Variants in RETREG1 observed in about 807,000 individuals in gnomAD.
RETREG1 encodes family with sequence similarity 134 member B.
In RETREG1, 44 loss-of-function variants were observed where a neutral mutation model predicts 54.8. That is an observed-to-expected ratio of 0.80 (90% confidence interval 0.63 to 1.03). RETREG1 has a LOEUF of 1.03. Among genes scored for constraint, RETREG1 ranks in the 50% least tolerant of loss-of-function variants. RETREG1 has a pLI of 0.00. For missense variants in RETREG1, 554 were observed against 605.1 expected (o/e 0.92, Z 0.89); for synonymous variants, 217 against 238.5 (o/e 0.91, Z 0.83).
intron 2 of RETREG1, among the ~76,000 whole-genome samples, chr5:16,567,671 T>TG (rs1437476867): frequency 6.6e-6 from 1 of 152,002 alleles, no homozygotes. Flanking sequence ...TCAAGAGAGC[T>TG]GGGGGGCAGG....
At chr5:16,567,596 G>A (rs997577502) in intron 2 of RETREG1, among the ~76,000 whole-genome samples, 14 of 152,162 alleles carry the variant, frequency 9.2e-5, no homozygotes, top group Admixed American at 6.5e-5. Context: ...AGGTGGCTGG[G>A]GGAGCCTCAG....
rs1738382377 is a variant in RETREG1, at chr5:16,473,361, A to G, written c.*1380T>C. 6.6e-6 allele frequency: 1 copy of G among 152,072 alleles called. No homozygotes were observed. Among genetic ancestry groups the G allele is most frequent in the Non-Finnish European group, 1.5e-5 (1 of 68,016 alleles). The allele number at this position is 152,072 out of a possible 1,614,324, so 9.4% of individuals were successfully genotyped here. A position where few individuals can be genotyped will look rare whatever the true frequency, so the allele number is the denominator to read the frequency against. On this transcript the variant is annotated 3_prime_UTR_variant, in exon 9 of 9. Transcript: ENST00000306320. ...TATTTTAATACCTCAGAAAGAAAAAATAAATAAGAGTAGCTACATTAAAAT... is the reference window on the plus strand; with the variant it reads ...TATTTTAATACCTCAGAAAGAAAAAGTAAATAAGAGTAGCTACATTAAAAT...
At chr5:16,508,700 C>T (rs1412647308) in intron 3 of RETREG1, 2 of 1,599,892 alleles carry the variant, frequency 1.3e-6, no homozygotes, top group Non-Finnish European at 1.7e-6. Flanking sequence ...TTCTTTTCTA[C>T]TCTAATGCTG....
In RETREG1 at chr5:16,536,255, C is replaced by T. The variant is rs530188985; in HGVS notation, c.458+29508G>A. On this transcript the variant is annotated intron_variant, in intron 3 of 8. Coordinates refer to ENST00000306320, the MANE Select transcript of RETREG1 (RefSeq NM_001034850.3). ...GGACTGACCAGAATTTCCAGGCCAG[C>T]TTTTACAAAGAAAGAACGCTGCCTC... 4.1e-3 allele frequency among the ~76,000 whole-genome samples: 623 copies of T among 152,272 alleles called. 6 individuals are homozygous for T. Among genetic ancestry groups the T allele is most frequent in the African/African-American group, 0.014 (590 of 41,558 alleles).
At chr5:16,565,602 C>T (rs1285508476) in intron 3 of RETREG1, among the ~76,000 whole-genome samples, 161 bp downstream of exon 3, 1 of 152,072 alleles carries the variant, frequency 6.6e-6, no homozygotes, top group African/African-American at 2.4e-5. Flanking sequence ...CATCCTTGGC[C>T]TCCGATTGAT....
intron 3 of RETREG1, among the ~76,000 whole-genome samples, chr5:16,525,700 T>G (rs1740695235): frequency 6.6e-6 from 1 of 152,050 alleles, no homozygotes; most frequent in Non-Finnish European, 1.5e-5. Context: ...CAGCACTGAA[T>G]TCCTAGGTCT....
intron 3 of RETREG1, among the ~76,000 whole-genome samples, chr5:16,540,574 T>G (rs1052156427): frequency 6.6e-6 from 1 of 152,172 alleles, no homozygotes; most frequent in African/African-American, 2.4e-5. Flanking sequence ...AGATGCAGAC[T>G]TGGTAATGAG....
At chr5:16,521,404 G>A (rs946513586) in intron 3 of RETREG1, among the ~76,000 whole-genome samples, 1 of 152,192 alleles carries the variant, frequency 6.6e-6, no homozygotes, top group African/African-American at 2.4e-5. Flanking sequence ...GTTCCTGCAT[G>A]CTTTCCTATT....
intron 3 of RETREG1, among the ~76,000 whole-genome samples, chr5:16,484,976 G>C (rs937500790): frequency 2.0e-5 from 3 of 152,082 alleles, no homozygotes; most frequent in Non-Finnish European, 2.9e-5. Context: ...CACCAGGTTT[G>C]CATACCCCAT....
At chr5:16,542,865 C>T (rs1426695884) in intron 3 of RETREG1, among the ~76,000 whole-genome samples, 7 of 152,108 alleles carry the variant, frequency 4.6e-5, no homozygotes, top group South Asian at 2.1e-4. Context: ...CAATAAACTG[C>T]GCATAAGTTT....
At chr5:16,534,122 C>A (rs1297146943) in intron 3 of RETREG1, among the ~76,000 whole-genome samples, 1 of 151,884 alleles carries the variant, frequency 6.6e-6, no homozygotes, top group Non-Finnish European at 1.5e-5. Flanking sequence ...ATTTTCCCTA[C>A]ATCCACAATT....
At chr5:16,526,837 G>T (rs1740730323) in intron 3 of RETREG1, among the ~76,000 whole-genome samples, 1 of 152,198 alleles carries the variant, frequency 6.6e-6, no homozygotes, top group South Asian at 2.1e-4. Flanking sequence ...GGAATGAAGG[G>T]CTTACTCCTC....
chr5:16,562,864 A>G (rs917500505), intron 3 of RETREG1, among the ~76,000 whole-genome samples: 2 of 152,202 alleles, frequency 1.3e-5, no homozygotes, highest in African/African-American at 2.4e-5. Flanking sequence ...CTGAAACACA[A>G]AAGTGACATT....
At chr5:16,505,823 G>A (rs970719615) in intron 3 of RETREG1, among the ~76,000 whole-genome samples, 2 of 152,232 alleles carry the variant, frequency 1.3e-5, no homozygotes, top group Non-Finnish European at 2.9e-5. Context: ...TATCCTAGTC[G>A]CTGCCCCCAT....
chr5:16,609,731 G>C (rs1743288406), intron 1 of RETREG1, among the ~76,000 whole-genome samples: 1 of 152,180 alleles, frequency 6.6e-6, no homozygotes, highest in Non-Finnish European at 1.5e-5. Context: ...ACCAAGAAGA[G>C]AATGGATTTT....
chr5:16,554,093 TTGAGCTTGCCTC>T, intron 3 of RETREG1, among the ~76,000 whole-genome samples: 1 of 152,330 alleles, frequency 6.6e-6, no homozygotes, highest in East Asian at 1.9e-4. Context: ...GGCTGAACCT[TTGAGCTTGCCTC>T]TGAGCCTCAA....
At chr5:16,587,933 C>T (rs1485627103) in intron 1 of RETREG1, among the ~76,000 whole-genome samples, 1 of 152,162 alleles carries the variant, frequency 6.6e-6, no homozygotes, top group Non-Finnish European at 1.5e-5. Flanking sequence ...ATCTTGATCA[C>T]ACCCTAATAA....
Position 16,478,904 on chromosome 5 carries a change from T to C in RETREG1, c.754A>G (p.Lys252Glu). 1 of 1,612,390 alleles carries C rather than the reference T, an allele frequency of 6.2e-7. No individual in the cohort carries two copies. The highest frequency in any genetic ancestry group is 8.5e-7 in the Non-Finnish European group (1 of 1,178,884). The change falls in exon 6 of 9, where the codon AAA becomes GAA. Residue 252 changes from lysine (K) to glutamate (E), a missense_variant. By Grantham distance (56) the Lys-to-Glu change is moderately conservative (BLOSUM62 1). Around this residue, in one of 4 missense-constraint regions of RETREG1, gnomAD observed 347 missense variants for 412.3 expected, o/e 0.84. Coordinates refer to ENST00000306320, the MANE Select transcript of RETREG1 (RefSeq NM_001034850.3). ...TATTCTCCAATTCCAAAATCCAGTT[T>C]CAGCAGAACTGACTTAATTTTGCTG... ...IYSKIKSVLLKLDFGIGEYIN... is the reference protein window; with the variant it reads ...IYSKIKSVLLELDFGIGEYIN...
chr5:16,606,186 G>A (rs1031734983), intron 1 of RETREG1, among the ~76,000 whole-genome samples: 11 of 152,094 alleles, frequency 7.2e-5, no homozygotes, highest in South Asian at 2.1e-4. Context: ...TACAGAAATC[G>A]CTTCAGCTAA....
Sources: gnomAD v4.1 joint callset for allele counts (sites outside exome capture counted in the v4.1 genomes callset) on GRCh38, gnomAD v4.1.1 for gene constraint, gnomAD v4.1.1 regional missense constraint, MANE v1.5 for transcripts, NCBI Gene and HGNC (gene_info 2026-07-23, HGNC 2026-07-21) for gene names.